PDZD2: variants seen among roughly 807,000 people sequenced by gnomAD.
PDZD2 encodes the protein PDZ domain containing 2.
A neutral mutation model predicts 220.7 loss-of-function variants in PDZD2; 90 were observed. The observed-to-expected ratio is 0.41, with a 90% confidence interval of 0.34 to 0.49. The LOEUF (loss-of-function observed/expected upper bound fraction) is 0.49. Ranked by LOEUF, PDZD2 falls within the 20% of genes least tolerant of loss-of-function variation. The pLI, the probability that PDZD2 is intolerant of heterozygous loss-of-function variation, is 0.28. For missense variants in PDZD2, 3,174 were observed against 3,608.5 expected (o/e 0.88, Z 3.08); for synonymous variants, 1,375 against 1,450.5 (o/e 0.95, Z 1.18).
At position 31,759,145 on chromosome 5, in the gene PDZD2, C is replaced by G. The variant is rs543045133; in HGVS notation, c.-360-39744C>G. ...CCACCTCCCCTTGCCGTGCCCACCC[C>G]CTCCTCCACCTCCTCCCATTGTTGT... On this transcript the variant is annotated intron_variant, in intron 1 of 24. Transcript: ENST00000438447. Among the ~76,000 whole-genome samples, 17 of 152,140 alleles carry G rather than the reference C, an allele frequency of 1.1e-4. No individual in the cohort carries two copies. In the East Asian group the frequency reaches 2.9e-3, roughly 26 times the overall value.
chr5:31,740,363 C>A (rs200834255), intron 1 of PDZD2, among the ~76,000 whole-genome samples: 61 of 106,170 alleles, frequency 5.7e-4, no homozygotes, highest in East Asian at 1.1e-3. Context: ...TACTAAAAAT[C>A]AAAAAAAAAA....
rs1353458341 is a variant in PDZD2 at position 32,098,531 on chromosome 5, G to A, written c.8115G>A (p.Lys2705=). The A allele has an allele frequency of 4.3e-6, 7 of 1,614,052 alleles. No individual in the cohort carries two copies. In the African/African-American group the frequency reaches 9.3e-5, roughly 22 times the overall value. ...QLHKDALVVI[K]KGMDQPRPSA... is the part of the protein sequence containing the mutation. ...ACAAAGATGCCCTCGTGGTCATCAA[G>A]AAAGGGATGGATCAGCCCAGGCCCT... The change falls in exon 23 of 25, where the codon AAG becomes AAA. Residue 2705 remains lysine (K), a synonymous_variant. Coordinates refer to ENST00000438447, the MANE Select transcript of PDZD2 (RefSeq NM_178140.4). The surrounding 1 kb of genome is among the most constrained non-coding windows in gnomAD (Gnocchi z 4.1).
In PDZD2 at chr5:31,818,258, CA is replaced by C. The variant is rs536264529; in HGVS notation, c.476+18535del. 2.8e-3 allele frequency among the ~76,000 whole-genome samples: 432 copies of C among 152,240 alleles called. 1 individual carries two copies. Among genetic ancestry groups the C allele is most frequent in the Non-Finnish European group, 5.1e-3 (346 of 68,020 alleles). Reference sequence around the variant, plus strand: ...AAGTGTTGCGATTATAGGCGTGAGCCACCACACCCAGCCTCTCAATTTTCGT... The same window carrying C: ...AAGTGTTGCGATTATAGGCGTGAGCCCCACACCCAGCCTCTCAATTTTCGT... On this transcript the variant is annotated intron_variant, in intron 2 of 24. Coordinates refer to ENST00000438447, the MANE Select transcript of PDZD2 (RefSeq NM_178140.4).
chr5:32,080,373 G>C (rs1040838638), intron 19 of PDZD2, among the ~76,000 whole-genome samples: 9 of 129,598 alleles, frequency 6.9e-5, no homozygotes, highest in Non-Finnish European at 1.0e-4. Context: ...AAAAAAAAGT[G>C]GGGGGTGAGG....
intron 2 of PDZD2, among the ~76,000 whole-genome samples, chr5:31,856,745 C>T (rs1448162575): frequency 6.6e-6 from 1 of 152,008 alleles, no homozygotes; most frequent in Non-Finnish European, 1.5e-5. Context: ...ACATCAAGGT[C>T]GCTTACCTGC....
chr5:31,897,324 C>T (rs1741659478), intron 2 of PDZD2, among the ~76,000 whole-genome samples: 1 of 152,072 alleles, frequency 6.6e-6, no homozygotes, highest in African/African-American at 2.4e-5. Context: ...GTGTTCTGCT[C>T]CTAGAGTCTG....
intron 1 of PDZD2, chr5:31,712,005 T>C (rs1054676609): frequency 1.3e-5 from 2 of 152,568 alleles, no homozygotes; most frequent in Admixed American, 6.6e-5. Flanking sequence ...GGAGGGAAAT[T>C]GGTGGTGAGC....
At chr5:31,895,091 T>C (rs1561549635) in intron 2 of PDZD2, among the ~76,000 whole-genome samples, 1 of 152,200 alleles carries the variant, frequency 6.6e-6, no homozygotes, top group Admixed American at 6.5e-5. Flanking sequence ...GATTTCACCA[T>C]GTTGGCCAGG....
intron 2 of PDZD2, among the ~76,000 whole-genome samples, chr5:31,868,790 G>A (rs1738468861): frequency 2.0e-5 from 3 of 152,074 alleles, no homozygotes; most frequent in Admixed American, 1.3e-4. Context: ...GTTTGTTTTT[G>A]AGACAGAGTC....
At chr5:31,887,108 A>T (rs923841725) in intron 2 of PDZD2, among the ~76,000 whole-genome samples, 1 of 152,118 alleles carries the variant, frequency 6.6e-6, no homozygotes, top group Non-Finnish European at 1.5e-5. Flanking sequence ...AATGTTTGCT[A>T]TGGGCTGGGC....
intron 2 of PDZD2, among the ~76,000 whole-genome samples, chr5:31,877,545 A>G (rs1319012360): frequency 6.6e-6 from 1 of 151,940 alleles, no homozygotes; most frequent in Non-Finnish European, 1.5e-5. Flanking sequence ...TCTCTTTCAT[A>G]ATTTGTTTTA....
chr5:31,816,010 C>T (rs1195202079), intron 2 of PDZD2, among the ~76,000 whole-genome samples: 1 of 151,840 alleles, frequency 6.6e-6, no homozygotes, highest in Non-Finnish European at 1.5e-5. Flanking sequence ...GGGATTGGGC[C>T]GGGCGCAGTG....
In PDZD2 at chr5:32,000,976, C is replaced by T. The variant is rs1020691619; in HGVS notation, c.1254+705C>T. Among the ~76,000 whole-genome samples the T allele has an allele frequency of 3.3e-5, 5 of 152,184 alleles. No individual in the cohort carries two copies. The highest frequency in any genetic ancestry group is 7.2e-5 in the African/African-American group (3 of 41,452). On this transcript the variant is annotated intron_variant, in intron 5 of 24. Transcript: ENST00000438447. The surrounding 1 kb of genome is among the most constrained non-coding windows in gnomAD (Gnocchi z 4.5). ...GCTCCGCCTCCTGTCAGATCAGCGG[C>T]GGCACTGGACTCTCATAGGAATGCG... is the stretch of plus-strand genomic sequence containing the variant.
intron 2 of PDZD2, among the ~76,000 whole-genome samples, chr5:31,870,438 C>T (rs1359762094): frequency 6.6e-6 from 1 of 152,086 alleles, no homozygotes; most frequent in East Asian, 1.9e-4. Flanking sequence ...TCAGTCAGTG[C>T]TGGTTTGGAT....
Position 31,639,823 on chromosome 5 carries a change from A to C in PDZD2, c.-361+386A>C, listed in dbSNP as rs539390694. Among the ~76,000 whole-genome samples, 5 of 152,244 alleles carry C rather than the reference A, an allele frequency of 3.3e-5. No homozygotes were observed. The highest frequency in any genetic ancestry group is 1.2e-4 in the African/African-American group (5 of 41,576). On this transcript the variant is annotated intron_variant, in intron 1 of 24. Transcript: ENST00000438447. This position sits in a 1 kb window ranked among gnomAD's most constrained non-coding sequence, Gnocchi z 4.1. ...TGGTCCCTTCCTCCGACAGGAGTGG[A>C]GGTACTCAGGTACTCCGGCCTCAGG...
chr5:31,941,404 A>C (rs1048577463), intron 2 of PDZD2, among the ~76,000 whole-genome samples: 1 of 152,234 alleles, frequency 6.6e-6, no homozygotes, highest in Admixed American at 6.5e-5. Flanking sequence ...CAGATGCAAG[A>C]CAGTTTTGGC....
intron 1 of PDZD2, among the ~76,000 whole-genome samples, chr5:31,791,131 T>C (rs979043126): frequency 6.6e-6 from 1 of 152,156 alleles, no homozygotes; most frequent in Admixed American, 6.5e-5. Context: ...TATCTGCTTC[T>C]GATAAAGCTG....
At chr5:31,815,513 A>G (rs1298986858) in intron 2 of PDZD2, among the ~76,000 whole-genome samples, 1 of 152,194 alleles carries the variant, frequency 6.6e-6, no homozygotes, top group South Asian at 2.1e-4. Flanking sequence ...GAGTCAGGTC[A>G]GCATCTGGTG....
chr5:31,971,465 T>G (rs1039441379), intron 2 of PDZD2, among the ~76,000 whole-genome samples: 2 of 152,246 alleles, frequency 1.3e-5, no homozygotes, highest in African/African-American at 4.8e-5. Context: ...CATTGGGATT[T>G]AAGTTCCAAC....
Sources: allele counts gnomAD v4.1 joint callset (sites outside exome capture counted in the v4.1 genomes callset), GRCh38; gene constraint gnomAD v4.1.1; non-coding constraint Gnocchi (gnomAD v3.1); transcripts MANE v1.5; gene names NCBI Gene and HGNC (gene_info 2026-07-23, HGNC 2026-07-21).